The following CEP43 variants were observed in gnomAD, a reference collection of about 807,000 sequenced individuals.
CEP43 encodes the protein centrosomal protein 43, also known as FGFR1 oncogene partner.
CEP43 carries 36 observed loss-of-function variants against 52.6 expected under a neutral mutation model. That is an observed-to-expected ratio of 0.68 (90% CI 0.52 to 0.90). The LOEUF (loss-of-function observed/expected upper bound fraction) is 0.90, where lower values mean the gene tolerates loss of function less well. CEP43 is among the 40% of genes least tolerant of loss of function. CEP43 has a pLI of 0.00. For synonymous variants in CEP43, 192 were observed against 172.4 expected, an observed-to-expected ratio of 1.11 and a Z score of -0.89; for missense variants, 506 against 472.8, an observed-to-expected ratio of 1.07 and a Z score of -0.65.
chr6:167,029,707 G>A (rs1448508579), intron 10 of CEP43, among the ~76,000 whole-genome samples: 2 of 152,228 alleles, frequency 1.3e-5, no homozygotes, highest in Non-Finnish European at 2.9e-5. Flanking sequence ...GTGTCTGTCT[G>A]AAGAGACCAC....
intron 5 of CEP43, among the ~76,000 whole-genome samples, chr6:167,007,374 A>C (rs1341062833): frequency 2.6e-5 from 4 of 152,210 alleles, no homozygotes. Context: ...AAATAGAGCC[A>C]GGATAGGAAT....
rs3752519 is a variant in CEP43 at position 167,032,519 on chromosome 6, A to T, written c.989-84A>T. On this transcript the variant is annotated intron_variant, in intron 10 of 12. Coordinates refer to ENST00000366847, the MANE Select transcript of CEP43 (RefSeq NM_007045.4). ...CTTTTTAAATGATGCAATATAATTA[A>T]TTTTTTTTAAGGAAATGTGTGTTTA... is the stretch of plus-strand genomic sequence containing the variant. 0.017 allele frequency: 21,526 copies of T among 1,262,484 alleles called. 323 individuals are homozygous for T. Among genetic ancestry groups the T allele is most frequent in the East Asian group, 0.074 (2,949 of 39,804 alleles). The allele number at this position is 1,262,484 out of a possible 1,614,324, so 78.2% of individuals were successfully genotyped here.
intron 12 of CEP43, chr6:167,036,702 T>C (rs769585808): frequency 9.7e-5 from 95 of 983,412 alleles, no homozygotes; most frequent in Non-Finnish European, 1.1e-4. Flanking sequence ...TATTTTTATT[T>C]TGTGATGTAA....
intron 2 of CEP43, among the ~76,000 whole-genome samples, 165 bp downstream of exon 2, chr6:167,000,278 C>T (rs1583263689): frequency 6.6e-6 from 1 of 152,054 alleles, no homozygotes; most frequent in Admixed American, 6.5e-5. Context: ...ATTCTTTTTT[C>T]GTGTAGCTTT....
At chr6:167,035,071 G>GGT (rs2128667833) in intron 12 of CEP43, among the ~76,000 whole-genome samples, 1 of 152,286 alleles carries the variant, frequency 6.6e-6, no homozygotes, top group Non-Finnish European at 1.5e-5. Flanking sequence ...TTGAAGAGGA[G>GGT]GTGTGGCATC....
intron 7 of CEP43, among the ~76,000 whole-genome samples, chr6:167,018,095 G>A (rs1780142454): frequency 6.6e-6 from 1 of 152,028 alleles, no homozygotes; most frequent in African/African-American, 2.4e-5. Flanking sequence ...CTTGTAGATG[G>A]ATTACTCCAG....
intron 2 of CEP43, among the ~76,000 whole-genome samples, chr6:167,001,238 G>A (rs1779728978): frequency 6.6e-6 from 1 of 152,212 alleles, no homozygotes; most frequent in Admixed American, 6.5e-5. Context: ...AAGAGGCTCT[G>A]TCCTGTCCAA....
chr6:167,034,077 A>G (rs1780531554), intron 12 of CEP43, 106 bp downstream of exon 12: 1 of 470,576 alleles, frequency 2.1e-6, no homozygotes, highest in Non-Finnish European at 3.8e-6. Context: ...AACAGTTGAA[A>G]ATTATGAAAA....
At chr6:167,006,701 A>G (rs73026216) in intron 5 of CEP43, among the ~76,000 whole-genome samples, 3,076 of 152,246 alleles carry the variant, frequency 0.02, 49 homozygotes, top group East Asian at 0.091. Flanking sequence ...TGTCCACAGG[A>G]GAGTCCTACA....
intron 2 of CEP43, among the ~76,000 whole-genome samples, chr6:167,000,679 C>T (rs1047666663): frequency 6.6e-6 from 1 of 152,244 alleles, no homozygotes; most frequent in Non-Finnish European, 1.5e-5. Flanking sequence ...TATGACAAAT[C>T]AGTCTACTGT....
At chr6:167,039,789 A>G in intron 12 of CEP43, 115 bp from the exon 13 acceptor site, 1 of 1,012,270 alleles carries the variant, frequency 9.9e-7, no homozygotes, top group Non-Finnish European at 1.5e-6. Context: ...TTTTTTGATT[A>G]TGGCCATTCT....
At chr6:167,015,969 T>C (rs1780088615) in intron 7 of CEP43, among the ~76,000 whole-genome samples, 1 of 152,134 alleles carries the variant, frequency 6.6e-6, no homozygotes, top group African/African-American at 2.4e-5. Context: ...TTAATAATTT[T>C]GAAATATATA....
At chr6:167,010,218 T>G (rs138955750) in intron 5 of CEP43, among the ~76,000 whole-genome samples, 1 of 152,332 alleles carries the variant, frequency 6.6e-6, no homozygotes, top group East Asian at 1.9e-4. Context: ...AACCTCCTCC[T>G]TGGCATTAAC....
At chr6:167,000,910 G>C (rs1406573647) in intron 2 of CEP43, among the ~76,000 whole-genome samples, 1 of 152,192 alleles carries the variant, frequency 6.6e-6, no homozygotes, top group Admixed American at 6.5e-5. Flanking sequence ...TTCCCACTTT[G>C]CACATATGTG....
chr6:167,001,343 GAA>G (rs1779731971), intron 2 of CEP43, among the ~76,000 whole-genome samples: 1 of 152,076 alleles, frequency 6.6e-6, no homozygotes, highest in East Asian at 1.9e-4. Context: ...TTTTGAGCTT[GAA>G]AACATGTTTA....
chr6:167,039,092 T>C (rs1206895790), intron 12 of CEP43, among the ~76,000 whole-genome samples: 2 of 152,132 alleles, frequency 1.3e-5, no homozygotes, highest in Non-Finnish European at 2.9e-5. Context: ...AGAATAATGG[T>C]CTCCAGTTCC....
At chr6:167,009,308 G>A (rs1339736411) in intron 5 of CEP43, among the ~76,000 whole-genome samples, 2 of 151,708 alleles carry the variant, frequency 1.3e-5, no homozygotes, top group African/African-American at 2.4e-5. Context: ...CGGATCATTT[G>A]AGACCAGCCT....
In CEP43 at chr6:167,026,610, G is replaced by A. The variant is rs1258249405; in HGVS notation, c.983G>A (p.Gly328Glu). Reference sequence around the variant, plus strand: ...ATCAGTGATAAAATTGGATCACTTGGATTAGGTAATTAGATTTCTAGTTTT... The same window carrying A: ...ATCAGTGATAAAATTGGATCACTTGAATTAGGTAATTAGATTTCTAGTTTT... The part of the protein sequence containing the change: ...KLISDKIGSL[G>E]LGTGEDDDYV... The change falls in exon 10 of 13, where the codon GGA becomes GAA. Residue 328 changes from glycine (G) to glutamate (E), a missense_variant. By Grantham distance (98) the Gly-to-Glu change is moderately conservative. Coordinates refer to ENST00000366847, the MANE Select transcript of CEP43 (RefSeq NM_007045.4). The A allele has an allele frequency of 1.3e-6, 2 of 1,569,390 alleles. No individual in the cohort carries two copies. Among genetic ancestry groups the A allele is most frequent in the Admixed American group, 3.3e-5 (2 of 59,966 alleles).
intron 4 of CEP43, 88 bp from the exon 5 acceptor site, chr6:167,004,176 G>T: frequency 7.5e-7 from 1 of 1,331,148 alleles, no homozygotes; most frequent in South Asian, 1.6e-5. Flanking sequence ...GTTTAAAGAT[G>T]TCTTTAAACT....
Sources: allele counts gnomAD v4.1 joint callset (sites outside exome capture counted in the v4.1 genomes callset), GRCh38; gene constraint gnomAD v4.1.1; transcripts MANE v1.5; gene names NCBI Gene and HGNC (gene_info 2026-07-23, HGNC 2026-07-21).